Variants in CHD3 observed in about 807,000 individuals in gnomAD.
CHD3 encodes ATP-dependent chromatin remodeler CHD3.
In CHD3, 52 loss-of-function variants were observed where a neutral mutation model predicts 248.9. That is an observed-to-expected ratio of 0.21 (90% CI 0.17 to 0.26). The LOEUF (loss-of-function observed/expected upper bound fraction) is 0.26, where lower values mean the gene tolerates loss of function less well. Ranked by LOEUF, CHD3 falls within the 10% of genes least tolerant of loss-of-function variation. The probability of loss-of-function intolerance (pLI) is 1.00; values close to 1 mark genes in which losing one functional copy is unlikely to be tolerated. For missense variants in CHD3, 1,482 were observed against 2,605.8 expected, an observed-to-expected ratio of 0.57 and a Z score of 9.39; for synonymous variants, 985 against 985.2, an observed-to-expected ratio of 1.00 and a Z score of 0.00.
At position 7,897,010 on chromosome 17, in the gene CHD3, C is replaced by A; in HGVS notation, c.1708-73C>A. 7.8e-7 allele frequency: 1 copy of A among 1,276,072 alleles called. No homozygotes were observed. Among genetic ancestry groups the A allele is most frequent in the South Asian group, 1.2e-5 (1 of 81,912 alleles). 79.0% of individuals were successfully genotyped at this position (1,276,072 alleles called of 1,614,324 possible). A position where few individuals can be genotyped will look rare whatever the true frequency, so the allele number is the denominator to read the frequency against. ...TTCCCTGTCCCATTCCTCCTGCCGG[C>A]CTCTTCCCGGTTCCTTGTTGTCCTC... On this transcript the variant is annotated intron_variant, in intron 10 of 39. Transcript: ENST00000330494. The surrounding 1 kb of genome is among the most constrained non-coding windows in gnomAD (Gnocchi z 4.8).
rs1970130629 is a variant in CHD3 at position 7,900,090 on chromosome 17, G to T, written c.2682+57G>T. The T allele has an allele frequency of 6.4e-7, 1 of 1,556,804 alleles. No individual in the cohort carries two copies. Among genetic ancestry groups the T allele is most frequent in the South Asian group, 1.2e-5 (1 of 83,700 alleles). ...AAGTTGTGGACTTCCCACTTGCCTT[G>T]GTCCTAAAAAACAACAAAAATTCTG... On this transcript the variant is annotated intron_variant, in intron 16 of 39. Transcript: ENST00000330494. The surrounding 1 kb of genome is among the most constrained non-coding windows in gnomAD (Gnocchi z 6.5).
chr17:7,893,125 C>T (rs1235008416), intron 4 of CHD3, among the ~76,000 whole-genome samples, 161 bp from the exon 5 acceptor site: 1 of 151,834 alleles, frequency 6.6e-6, no homozygotes, highest in African/African-American at 2.4e-5. Context: ...TTTTTTTAAA[C>T]TTCTTTTTAT....
Position 7,907,671 on chromosome 17 carries a change from G to T in CHD3, c.4995G>T (p.Pro1665=). The T allele has an allele frequency of 1.3e-6, 2 of 1,537,966 alleles. No individual in the cohort carries two copies. The highest frequency in any genetic ancestry group is 1.2e-5 in the South Asian group (1 of 80,190). Residue 1665 remains proline (P), a synonymous_variant, in exon 33 of 40, where the codon CCG becomes CCT. Transcript: ENST00000330494. This position sits in a 1 kb window ranked among gnomAD's most constrained non-coding sequence, Gnocchi z 4.3. ...PLDGQEHRER[P]EGETGDLGKR... is the part of the protein sequence containing the mutation. ...ATGGACAGGAACACAGGGAGAGGCC[G>T]GAGGGGGAAACAGGGGATTTGGGCA...
chr17:7,905,711 G>C lies in CHD3; in HGVS notation c.4224+5G>C. On this transcript the variant is annotated splice_donor_5th_base_variant and intron_variant, in intron 27 of 39. Transcript: ENST00000330494. The surrounding 1 kb of genome is among the most constrained non-coding windows in gnomAD (Gnocchi z 5.8). The stretch of plus-strand genomic sequence containing the variant: ...CGAGTCGGGGGCAACATTGAGGTGA[G>C]AGCTGGGCCCAGTGTTCCTGAGTTC... 6.2e-7 allele frequency: 1 copy of C among 1,612,836 alleles called. No homozygotes were observed. Among genetic ancestry groups the C allele is most frequent in the Non-Finnish European group, 8.5e-7 (1 of 1,179,196 alleles).
chr17:7,911,661 C>T lies in CHD3; in HGVS notation c.*76C>T, dbSNP rs538670279. 9.8e-5 allele frequency: 158 copies of T among 1,605,588 alleles called. 1 individual carries two copies. In the Middle Eastern group the frequency reaches 2.0e-3, roughly 20 times the overall value. On this transcript the variant is annotated 3_prime_UTR_variant, in exon 40 of 40. Coordinates refer to ENST00000330494, the MANE Select transcript of CHD3 (RefSeq NM_001005273.3). This position sits in a 1 kb window ranked among gnomAD's most constrained non-coding sequence, Gnocchi z 5.4. ...CCAGCTCAAGCGCTGGGGCCTGCTG[C>T]CAGCCCTCCACCTTCCCCACCCCTT...
At position 7,897,685 on chromosome 17, in the gene CHD3, C is replaced by T. The variant is rs1017992704; in HGVS notation, c.1920-286C>T. On this transcript the variant is annotated intron_variant, in intron 11 of 39. Transcript: ENST00000330494. The surrounding 1 kb of genome is among the most constrained non-coding windows in gnomAD (Gnocchi z 4.8). ...TTTAGTTATTTCAATGCTGCCTTCCCCACGAGACTCTGAGTTCCATGAGGA... is the reference window on the plus strand; with the variant it reads ...TTTAGTTATTTCAATGCTGCCTTCCTCACGAGACTCTGAGTTCCATGAGGA... Among the ~76,000 whole-genome samples the T allele has an allele frequency of 2.6e-5, 4 of 152,160 alleles. No individual in the cohort carries two copies. Among genetic ancestry groups the T allele is most frequent in the Non-Finnish European group, 5.9e-5 (4 of 68,024 alleles).
At chr17:7,892,330 G>C (rs950496666) in intron 4 of CHD3, among the ~76,000 whole-genome samples, 3 of 152,144 alleles carry the variant, frequency 2.0e-5, no homozygotes, top group Admixed American at 1.3e-4. Flanking sequence ...GTAAAATGCA[G>C]AGAATCATAG....
At position 7,909,933 on chromosome 17, in the gene CHD3, C is replaced by G. The variant is rs1041283112; in HGVS notation, c.5591-495C>G. ...ACTCCTGGCCCCTTTGATCCCTGTTCTAATTCCTTGAATCTGTAATACTGA... is the reference window on the plus strand; with the variant it reads ...ACTCCTGGCCCCTTTGATCCCTGTTGTAATTCCTTGAATCTGTAATACTGA... On this transcript the variant is annotated intron_variant, in intron 37 of 39. Transcript: ENST00000330494. The surrounding 1 kb of genome is among the most constrained non-coding windows in gnomAD (Gnocchi z 8.1). The G allele has an allele frequency of 4.7e-6, 1 of 214,758 alleles. No individual in the cohort carries two copies. Among genetic ancestry groups the G allele is most frequent in the African/African-American group, 2.4e-5 (1 of 42,178 alleles). The allele number at this position is 214,758 out of a possible 1,614,324, so 13.3% of individuals were successfully genotyped here.
At chr17:7,884,893 CGAG>C (rs770383628), upstream of CHD3, 7,635 of 1,232,916 alleles carry the variant, frequency 6.2e-3, no homozygotes, top group South Asian at 0.015. Context: ...AAGAGGGCGA[CGAG>C]GAGGAGGAGG....
In CHD3 at chr17:7,897,021, T is replaced by A; in HGVS notation, c.1708-62T>A. 7.1e-7 allele frequency: 1 copy of A among 1,416,446 alleles called. No homozygotes were observed. Among genetic ancestry groups the A allele is most frequent in the Non-Finnish European group, 1.0e-6 (1 of 1,002,776 alleles). 87.7% of individuals were successfully genotyped at this position (1,416,446 alleles called of 1,614,324 possible). On this transcript the variant is annotated intron_variant, in intron 10 of 39. Transcript: ENST00000330494. The surrounding 1 kb of genome is among the most constrained non-coding windows in gnomAD (Gnocchi z 4.8). ...ATTCCTCCTGCCGGCCTCTTCCCGG[T>A]TCCTTGTTGTCCTCTGTGAGTGTCA... is the stretch of plus-strand genomic sequence containing the variant.
chr17:7,911,744 AG>A lies in CHD3; in HGVS notation c.*162del. On this transcript the variant is annotated 3_prime_UTR_variant, in exon 40 of 40. Coordinates refer to ENST00000330494, the MANE Select transcript of CHD3 (RefSeq NM_001005273.3). The surrounding 1 kb of genome is among the most constrained non-coding windows in gnomAD (Gnocchi z 5.4). ...CTCTCTGCAGCTCCTCTCTTCAAGA[AG>A]GGCCCTTTGTCTTTCTCCACTCCCA... 6.5e-7 allele frequency: 1 copy of A among 1,532,542 alleles called. No individual in the cohort carries two copies. The highest frequency in any genetic ancestry group is 8.8e-7 in the Non-Finnish European group (1 of 1,135,478). 94.9% of individuals were successfully genotyped at this position (1,532,542 alleles called of 1,614,324 possible).
rs748859552 is a variant in CHD3, at chr17:7,900,382, C to G, written c.2775C>G (p.Leu925=). ...ATAATCTGGAGGAGCTCTTCCATCTCCTGAACTTCCTCACCCCAGAGAGAT... is the reference window on the plus strand; with the variant it reads ...ATAATCTGGAGGAGCTCTTCCATCTGCTGAACTTCCTCACCCCAGAGAGAT... ...LQNNLEELFH[L]LNFLTPERFN... The change falls in exon 17 of 40, where the codon CTC becomes CTG. Residue 925 remains leucine (L), a synonymous_variant. Transcript: ENST00000330494. The surrounding 1 kb of genome is among the most constrained non-coding windows in gnomAD (Gnocchi z 6.5). 6.2e-7 allele frequency: 1 copy of G among 1,614,128 alleles called. No individual in the cohort carries two copies. The highest frequency in any genetic ancestry group is 8.5e-7 in the Non-Finnish European group (1 of 1,180,024).
At chr17:7,902,213 G>A (rs940051870) in intron 20 of CHD3, among the ~76,000 whole-genome samples, 1 of 152,064 alleles carries the variant, frequency 6.6e-6, no homozygotes, top group Admixed American at 6.5e-5. Flanking sequence ...TTGAGGTCAG[G>A]AGTTTCAAGA....
Position 7,899,991 on chromosome 17 carries a change from T to G in CHD3, c.2640T>G (p.Leu880=). ...AALGSIRWAC[L]VVDEAHRLKN... The stretch of plus-strand genomic sequence containing the variant: ...TTGGTTCCATCCGCTGGGCCTGTCT[T>G]GTGGTAGATGAGGCCCATCGACTCA... Residue 880 remains leucine (L), a synonymous_variant, in exon 16 of 40, where the codon CTT becomes CTG. Transcript: ENST00000330494. This position sits in a 1 kb window ranked among gnomAD's most constrained non-coding sequence, Gnocchi z 6.8. 6.2e-7 allele frequency: 1 copy of G among 1,613,984 alleles called. No individual in the cohort carries two copies. The highest frequency in any genetic ancestry group is 8.5e-7 in the Non-Finnish European group (1 of 1,179,890).
chr17:7,904,963 T>G lies in CHD3; in HGVS notation c.4073-137T>G, dbSNP rs571205971. On this transcript the variant is annotated intron_variant, in intron 25 of 39. Coordinates refer to ENST00000330494, the MANE Select transcript of CHD3 (RefSeq NM_001005273.3). This position sits in a 1 kb window ranked among gnomAD's most constrained non-coding sequence, Gnocchi z 4.4. The stretch of plus-strand genomic sequence containing the variant: ...TCCCAAGTCAGACTTTGGGCAGTGA[T>G]CTGGTGTTCCCAGAAGGACCAAGGC... 4 of 788,018 alleles carry G rather than the reference T, an allele frequency of 5.1e-6. No homozygotes were observed. Among genetic ancestry groups the G allele is most frequent in the East Asian group, 5.0e-5 (2 of 39,712 alleles). The allele number at this position is 788,018 out of a possible 1,614,324, so 48.8% of individuals were successfully genotyped here. A position where few individuals can be genotyped will look rare whatever the true frequency, so the allele number is the denominator to read the frequency against.
intron 2 of CHD3, among the ~76,000 whole-genome samples, chr17:7,890,168 C>T (rs780939883): frequency 1.1e-4 from 17 of 152,180 alleles, no homozygotes; most frequent in Non-Finnish European, 2.4e-4. Flanking sequence ...CAGTGGCTCA[C>T]GCCTGTAATC....
rs1598006064 is a variant in CHD3 at position 7,908,592 on chromosome 17, A to G, written c.5261+82A>G. ...AAAAGATGATTTCACACCCAGGGAC[A>G]GGGCTAGTGCCACACTTTGGGGAGT... On this transcript the variant is annotated intron_variant, in intron 35 of 39. Transcript: ENST00000330494. This position sits in a 1 kb window ranked among gnomAD's most constrained non-coding sequence, Gnocchi z 5.8. The G allele has an allele frequency of 6.3e-7, 1 of 1,585,994 alleles. No homozygotes were observed. The highest frequency in any genetic ancestry group is 8.6e-7 in the Non-Finnish European group (1 of 1,156,570).
intron 12 of CHD3, 30 bp from the exon 13 acceptor site, chr17:7,898,466 A>G (rs1969944983): frequency 2.0e-6 from 3 of 1,515,664 alleles, no homozygotes; most frequent in Admixed American, 3.4e-5. Flanking sequence ...CCCAAGGATG[A>G]GGCCTCATTC....
Position 7,911,634 on chromosome 17 carries a change from C to G in CHD3, c.*49C>G, listed in dbSNP as rs937160955. On this transcript the variant is annotated 3_prime_UTR_variant, in exon 40 of 40. Transcript: ENST00000330494. This position sits in a 1 kb window ranked among gnomAD's most constrained non-coding sequence, Gnocchi z 5.4. ...CCCAGGCCCCGTCCCCGAGGCCGACCCCCAGCTCAAGCGCTGGGGCCTGCT... is the reference window on the plus strand; with the variant it reads ...CCCAGGCCCCGTCCCCGAGGCCGACGCCCAGCTCAAGCGCTGGGGCCTGCT... 9.9e-6 allele frequency: 16 copies of G among 1,612,292 alleles called. No homozygotes were observed. The South Asian group carries it at 1.6e-4, about 17-fold the overall frequency.
Sources: gnomAD v4.1 joint callset for allele counts (sites outside exome capture counted in the v4.1 genomes callset) on GRCh38, gnomAD v4.1.1 for gene constraint, Gnocchi (gnomAD v3.1) non-coding constraint, MANE v1.5 for transcripts, NCBI Gene and HGNC (gene_info 2026-07-23, HGNC 2026-07-21) for gene names.